The following PCDHA9 variants were observed in gnomAD, a reference collection of about 807,000 sequenced individuals.
PCDHA9 encodes the protein protocadherin alpha 9, also known as protocadherin alpha-9.
A neutral mutation model predicts 62.0 loss-of-function variants in PCDHA9; 62 were observed. The ratio of observed to expected loss-of-function variants is 1.00; its 90% CI spans 0.81 to 1.23. The LOEUF is 1.23. Ranked by LOEUF, PCDHA9 falls within the 50% of genes most tolerant of loss-of-function variation. PCDHA9 has a pLI of 0.00. For missense variants in PCDHA9, 1,205 were observed against 1,249.8 expected, an observed-to-expected ratio of 0.96 and a Z score of 0.54; for synonymous variants, 557 against 567.6, an observed-to-expected ratio of 0.98 and a Z score of 0.27.
Position 140,982,485 on chromosome 5 carries a change from C to T in PCDHA9, c.2464C>T (p.Leu822=). 1 of 1,614,100 alleles carries T rather than the reference C, an allele frequency of 6.2e-7. No homozygotes were observed. The highest frequency in any genetic ancestry group is 8.5e-7 in the Non-Finnish European group (1 of 1,180,004). The part of the protein sequence containing the change: ...LRAGMHSSVH[L]EEAGILRAGP... ...TGTGTGTTTATTCAGCTCTGTGCAC[C>T]TAGAGGAGGCTGGCATTCTACGGGC... The change falls in exon 3 of 4, where the codon CTA becomes TTA. Residue 822 remains leucine (L), a synonymous_variant. Coordinates refer to ENST00000532602, the MANE Select transcript of PCDHA9 (RefSeq NM_031857.2).
intron 1 of PCDHA9, among the ~76,000 whole-genome samples, chr5:140,910,278 A>G (rs1261965132): frequency 6.6e-6 from 1 of 151,132 alleles, no homozygotes; most frequent in Non-Finnish European, 1.5e-5. Flanking sequence ...TTCTAGGAAC[A>G]CCATGATTAA....
At chr5:140,903,567 G>T (rs1554191019) in intron 1 of PCDHA9, among the ~76,000 whole-genome samples, 1 of 152,170 alleles carries the variant, frequency 6.6e-6, no homozygotes, top group African/African-American at 2.4e-5. Flanking sequence ...GTGGAATTGG[G>T]AGCTGTCTAG....
chr5:140,928,571 C>T (rs369670852), intron 1 of PCDHA9: 1 of 1,614,180 alleles, frequency 6.2e-7, no homozygotes, highest in East Asian at 2.2e-5. Context: ...TTTCCCTTGC[C>T]CAGAAATGGT....
At chr5:141,006,415 G>C (rs185861703) in intron 3 of PCDHA9, among the ~76,000 whole-genome samples, 2 of 152,146 alleles carry the variant, frequency 1.3e-5, no homozygotes, top group African/African-American at 2.4e-5. Flanking sequence ...CGGTTTCACT[G>C]TGTTAGCCAG....
At chr5:140,865,937 T>C (rs529378074) in intron 1 of PCDHA9, 1 of 152,212 alleles carries the variant, frequency 6.6e-6, no homozygotes, top group Admixed American at 6.5e-5. Context: ...AGAAACTTCA[T>C]GATTGTCTTC....
intron 1 of PCDHA9, chr5:140,863,499 T>G: frequency 2.3e-6 from 1 of 434,624 alleles, no homozygotes; most frequent in Non-Finnish European, 4.6e-6. Context: ...CATTACGGCT[T>G]TTAGTCCTAG....
rs1262601662 is a variant in PCDHA9, at chr5:141,011,550, A to C, written c.*1613A>C. On this transcript the variant is annotated 3_prime_UTR_variant, in exon 4 of 4. Coordinates refer to ENST00000532602, the MANE Select transcript of PCDHA9 (RefSeq NM_031857.2). ...CATTGTTAATCAGCTTTTGTGTATG[A>C]AAGACACAGTAAAATTTCTTTCTTA... 6 of 153,770 alleles carry C rather than the reference A, an allele frequency of 3.9e-5. No homozygotes were observed. The highest frequency in any genetic ancestry group is 1.4e-4 in the African/African-American group (6 of 41,462). The allele number at this position is 153,770 out of a possible 1,614,324, so 9.5% of individuals were successfully genotyped here. A position where few individuals can be genotyped will look rare whatever the true frequency, so the allele number is the denominator to read the frequency against.
rs543216216 is a variant in PCDHA9, at chr5:140,917,329, G to A, written c.2395-61620G>A. 1.4e-4 allele frequency among the ~76,000 whole-genome samples: 20 copies of A among 144,014 alleles called. 2 individuals are homozygous for A. In the South Asian group the frequency reaches 2.0e-3, roughly 14 times the overall value. The allele number at this position is 144,014 out of a possible 152,430, so 94.5% of individuals were successfully genotyped here. ...ACAATTTGGTGTTCATGTGGCGGGG[G>A]AGGGGGGGGATGGTGTAGGCTTCTG... is the stretch of plus-strand genomic sequence containing the variant. On this transcript the variant is annotated intron_variant, in intron 1 of 3. Coordinates refer to ENST00000532602, the MANE Select transcript of PCDHA9 (RefSeq NM_031857.2).
In PCDHA9 at chr5:140,850,071, G is replaced by T. The variant is rs2150465789; in HGVS notation, c.1576G>T (p.Glu526Ter). The T allele has an allele frequency of 1.4e-5, 22 of 1,596,556 alleles. 5 individuals carry two copies. The highest frequency in any genetic ancestry group is 1.6e-5 in the Non-Finnish European group (19 of 1,167,840). ...GTACGCGCTGCAGCCGTTGGACCAC[G>T]AGGAGCTGGAGCTGCTACAGTTCCA... ...KVYALQPLDH[E>*]ELELLQFQVS... Residue 526 changes from glutamate (E) to a stop codon, truncating the protein, a stop_gained, in exon 1 of 4, where the codon GAG becomes TAG. Coordinates refer to ENST00000532602, the MANE Select transcript of PCDHA9 (RefSeq NM_031857.2). LOFTEE classifies it high-confidence loss of function.
chr5:140,886,004 A>G lies in PCDHA9; in HGVS notation c.2394+35115A>G, dbSNP rs544401095. On this transcript the variant is annotated intron_variant, in intron 1 of 3. Transcript: ENST00000532602. Reference sequence around the variant, plus strand: ...TCGCATGTGGTTGAAAGAAATAGTAAAGGGAGATGCTATGTATTCTTCACT... The same window carrying G: ...TCGCATGTGGTTGAAAGAAATAGTAGAGGGAGATGCTATGTATTCTTCACT... Among the ~76,000 whole-genome samples, 7 of 152,268 alleles carry G rather than the reference A, an allele frequency of 4.6e-5. No homozygotes were observed. In the East Asian group the frequency reaches 1.3e-3, roughly 29 times the overall value.
chr5:140,984,243 C>T (rs781830326), intron 3 of PCDHA9, among the ~76,000 whole-genome samples: 2 of 152,246 alleles, frequency 1.3e-5, no homozygotes, highest in Non-Finnish European at 2.9e-5. Context: ...CATTGTAGGT[C>T]GACCTGGTAA....
At chr5:140,856,629 T>C (rs782588371) in intron 1 of PCDHA9, 2 of 1,598,078 alleles carry the variant, frequency 1.3e-6, no homozygotes, top group African/African-American at 2.7e-5. Flanking sequence ...CCAGTGCTTG[T>C]TCTGCGGAAG....
chr5:140,877,818 T>G (rs1207543793), intron 1 of PCDHA9: 3 of 1,608,774 alleles, frequency 1.9e-6, no homozygotes, highest in African/African-American at 2.7e-5. Context: ...CTCGAGAAGA[T>G]TGTTTAAATC....
chr5:140,896,762 T>C (rs1408695272), intron 1 of PCDHA9, among the ~76,000 whole-genome samples: 1 of 152,224 alleles, frequency 6.6e-6, no homozygotes, highest in Non-Finnish European at 1.5e-5. Context: ...TAGACCTTTG[T>C]TGGATGCATA....
At chr5:140,977,104 A>C (rs2096746104) in intron 1 of PCDHA9, among the ~76,000 whole-genome samples, 1 of 152,242 alleles carries the variant, frequency 6.6e-6, no homozygotes, top group Admixed American at 6.5e-5. Flanking sequence ...TGGGGAAGTG[A>C]GATTGTATAA....
At chr5:140,929,205 G>T in intron 1 of PCDHA9, 1 of 1,614,120 alleles carries the variant, frequency 6.2e-7, no homozygotes, top group Non-Finnish European at 8.5e-7. Flanking sequence ...GTTTGCTGTT[G>T]CGTGGGGAGT....
In PCDHA9 at chr5:140,941,764, A is replaced by G. The variant is rs116374830; in HGVS notation, c.2395-37185A>G. 5.7e-3 allele frequency among the ~76,000 whole-genome samples: 869 copies of G among 152,306 alleles called. 7 individuals are homozygous for G. Among genetic ancestry groups the G allele is most frequent in the African/African-American group, 0.018 (768 of 41,560 alleles). ...TTATCAGATTTTCAGTGCTTTTAAG[A>G]TAATTGTTTTAATGTTTTACCCAAG... On this transcript the variant is annotated intron_variant, in intron 1 of 3. Coordinates refer to ENST00000532602, the MANE Select transcript of PCDHA9 (RefSeq NM_031857.2).
intron 1 of PCDHA9, chr5:140,871,599 T>G: frequency 1.4e-6 from 2 of 1,447,906 alleles, no homozygotes; most frequent in Non-Finnish European, 1.8e-6. Flanking sequence ...GAATAACCAG[T>G]GTTTTGAATA....
intron 1 of PCDHA9, among the ~76,000 whole-genome samples, chr5:140,922,031 G>T (rs933616833): frequency 6.6e-6 from 1 of 152,010 alleles, no homozygotes; most frequent in African/African-American, 2.4e-5. Context: ...TATAAAAAAT[G>T]TAATTTTCCC....
Sources: allele counts gnomAD v4.1 joint callset (sites outside exome capture counted in the v4.1 genomes callset), GRCh38; gene constraint gnomAD v4.1.1; transcripts MANE v1.5; gene names NCBI Gene and HGNC (gene_info 2026-07-23, HGNC 2026-07-21).